MGAT4C: variants seen among roughly 807,000 people sequenced by gnomAD.
MGAT4C encodes the protein MGAT4 family member C, also known as alpha-1,3-mannosyl-glycoprotein 4-beta-N-acetylglucosaminyltransferase C.
MGAT4C carries 19 observed loss-of-function variants against 40.1 expected under a neutral mutation model. The observed-to-expected ratio is 0.47, with a 90% CI of 0.33 to 0.70. The LOEUF (loss-of-function observed/expected upper bound fraction) is 0.70, where lower values mean the gene tolerates loss of function less well. Among genes scored for constraint, MGAT4C ranks in the 30% least tolerant of loss-of-function variants. The probability of loss-of-function intolerance (pLI) is 0.02; values close to 1 mark genes in which losing one functional copy is unlikely to be tolerated. For synonymous variants in MGAT4C, 181 were observed against 187.1 expected, an observed-to-expected ratio of 0.97 and a Z score of 0.27; for missense variants, 491 against 563.2, an observed-to-expected ratio of 0.87 and a Z score of 1.30.
chr12:86,591,158 A>G (rs946057357), intron 2 of MGAT4C, among the ~76,000 whole-genome samples: 1 of 151,988 alleles, frequency 6.6e-6, no homozygotes, highest in Non-Finnish European at 1.5e-5. Context: ...TTGTCATTCA[A>G]TTTAATAATC....
intron 1 of MGAT4C, among the ~76,000 whole-genome samples, chr12:86,136,983 C>T (rs957744614): frequency 6.6e-6 from 1 of 152,060 alleles, no homozygotes; most frequent in Non-Finnish European, 1.5e-5. Context: ...GCGCGCCTGG[C>T]TCACTCATAT....
intron 2 of MGAT4C, among the ~76,000 whole-genome samples, chr12:86,522,380 T>C (rs188927196): frequency 1.8e-4 from 28 of 152,292 alleles, no homozygotes; most frequent in African/African-American, 6.5e-4. Context: ...TGTCTTTAGT[T>C]CTGTTTATGT....
intron 1 of MGAT4C, among the ~76,000 whole-genome samples, chr12:86,068,972 C>A (rs936303325): frequency 6.6e-6 from 1 of 152,056 alleles, no homozygotes; most frequent in African/African-American, 2.4e-5. Context: ...CCTTAAAATT[C>A]GAATTCACCA....
chr12:86,273,569 G>A (rs1047149847), intron 4 of MGAT4C, among the ~76,000 whole-genome samples: 3 of 152,016 alleles, frequency 2.0e-5, no homozygotes, highest in African/African-American at 7.3e-5. Flanking sequence ...AGTGAAAATT[G>A]GACTGTCCAA....
chr12:86,717,003 GC>G (rs1950654068), intron 2 of MGAT4C, among the ~76,000 whole-genome samples: 1 of 152,040 alleles, frequency 6.6e-6, no homozygotes, highest in South Asian at 2.1e-4. Flanking sequence ...AAATGAATTT[GC>G]TTTAACCCAA....
At chr12:86,238,003 T>C (rs753580779) in intron 1 of MGAT4C, among the ~76,000 whole-genome samples, 3 of 152,008 alleles carry the variant, frequency 2.0e-5, no homozygotes, top group Non-Finnish European at 2.9e-5. Context: ...GGATAGACTT[T>C]AGTTATCATT....
At chr12:86,565,961 G>A (rs575823537) in intron 2 of MGAT4C, among the ~76,000 whole-genome samples, 1 of 152,256 alleles carries the variant, frequency 6.6e-6, no homozygotes, top group African/African-American at 2.4e-5. Flanking sequence ...CTACCGCTGA[G>A]TGCCCAATTT....
At chr12:86,820,873 T>C (rs1201063911) in intron 1 of MGAT4C, among the ~76,000 whole-genome samples, 1 of 150,892 alleles carries the variant, frequency 6.6e-6, no homozygotes, top group Non-Finnish European at 1.5e-5. Context: ...CATGTATCTC[T>C]ATTTTGCATC....
chr12:86,702,742 G>A (rs1034397907), intron 2 of MGAT4C, among the ~76,000 whole-genome samples: 1 of 152,106 alleles, frequency 6.6e-6, no homozygotes, highest in Admixed American at 6.6e-5. Context: ...AGCTCTGATG[G>A]TGATGTACAA....
intron 2 of MGAT4C, among the ~76,000 whole-genome samples, chr12:86,024,647 T>C (rs1751154784): frequency 6.6e-6 from 1 of 151,764 alleles, no homozygotes; most frequent in African/African-American, 2.4e-5. Context: ...CTCAAGGTGG[T>C]AATTCAAGTT....
intron 2 of MGAT4C, among the ~76,000 whole-genome samples, chr12:86,535,112 G>A (rs1432521735): frequency 6.6e-6 from 1 of 152,078 alleles, no homozygotes; most frequent in Non-Finnish European, 1.5e-5. Context: ...AGCATTTGCA[G>A]TCTAATTATT....
chr12:86,036,840 A>G (rs915745041), intron 2 of MGAT4C, among the ~76,000 whole-genome samples: 2 of 149,568 alleles, frequency 1.3e-5, no homozygotes, highest in African/African-American at 2.4e-5. Flanking sequence ...CCCTTTTTCT[A>G]TTGTTTGGAA....
At chr12:86,762,210 C>A (rs955394700) in intron 1 of MGAT4C, among the ~76,000 whole-genome samples, 1 of 151,982 alleles carries the variant, frequency 6.6e-6, no homozygotes, top group African/African-American at 2.4e-5. Flanking sequence ...AGCCACCACA[C>A]CTGCTAATTT....
At chr12:86,810,032 T>C (rs904356097) in intron 1 of MGAT4C, among the ~76,000 whole-genome samples, 3 of 152,062 alleles carry the variant, frequency 2.0e-5, no homozygotes, top group African/African-American at 7.2e-5. Context: ...GCCTACTTGA[T>C]TTTCTTCATC....
rs182149105 is a variant in MGAT4C at position 86,770,858 on chromosome 12, A to G, written c.-261-43617T>C. On this transcript the variant is annotated intron_variant, in intron 1 of 7. Transcript: ENST00000548651. ...CTAGAAATCTTTAGTTATAAGATAT[A>G]TTATTATAAATATGACATGAGCTTG... Among the ~76,000 whole-genome samples, 67 of 152,284 alleles carry G rather than the reference A, an allele frequency of 4.4e-4. 1 individual carries two copies. Among genetic ancestry groups the G allele is most frequent in the Admixed American group, 1.3e-3 (20 of 15,284 alleles).
At chr12:86,732,405 A>G (rs1008483796) in intron 1 of MGAT4C, among the ~76,000 whole-genome samples, 4 of 152,164 alleles carry the variant, frequency 2.6e-5, no homozygotes, top group African/African-American at 9.7e-5. Flanking sequence ...ATTACATTGT[A>G]ATACATAATG....
At chr12:86,583,836 T>C (rs1180618683) in intron 2 of MGAT4C, among the ~76,000 whole-genome samples, 1 of 151,144 alleles carries the variant, frequency 6.6e-6, no homozygotes, top group Non-Finnish European at 1.5e-5. Context: ...ATTGTATCCC[T>C]AGAAAAAGAA....
chr12:85,961,600 G>A lies in MGAT4C; in HGVS notation c.*17689C>T, dbSNP rs1883114768. On this transcript the variant is annotated 3_prime_UTR_variant, in exon 5 of 5. Transcript: ENST00000611864. ...TACCTCAAGAATATTGTATATGCTT[G>A]TCACTATATAAACTTCACCCTAAGG... 4.0e-5 allele frequency: 6 copies of A among 151,446 alleles called. No individual in the cohort carries two copies. In the South Asian group the frequency reaches 1.2e-3, roughly 31 times the overall value. The allele number at this position is 151,446 out of a possible 1,614,324, so 9.4% of individuals were successfully genotyped here.
At chr12:86,629,986 C>T (rs1042615818) in intron 2 of MGAT4C, among the ~76,000 whole-genome samples, 6 of 151,994 alleles carry the variant, frequency 3.9e-5, no homozygotes, top group African/African-American at 1.2e-4. Flanking sequence ...AAAAGATCAA[C>T]AAAATTGATA....
Sources: gnomAD v4.1 joint callset for allele counts (sites outside exome capture counted in the v4.1 genomes callset) on GRCh38, gnomAD v4.1.1 for gene constraint, MANE v1.5 for transcripts, NCBI Gene and HGNC (gene_info 2026-07-23, HGNC 2026-07-21) for gene names.